The following ELF4 variants were observed in gnomAD, a reference collection of about 807,000 sequenced individuals.
The protein encoded by ELF4 is ETS-related transcription factor Elf-4.
In ELF4, 10 loss-of-function variants were observed where a neutral mutation model predicts 31.7. The ratio of observed to expected loss-of-function variants is 0.32; its 90% confidence interval spans 0.19 to 0.54. ELF4 has a LOEUF of 0.54. Among genes scored for constraint, ELF4 ranks in the 20% least tolerant of loss-of-function variants. The pLI, the probability that ELF4 is intolerant of heterozygous loss-of-function variation, is 0.95. For synonymous variants in ELF4, 208 were observed against 226.7 expected, an observed-to-expected ratio of 0.92 and a Z score of 0.74; for missense variants, 418 against 522.0, an observed-to-expected ratio of 0.80 and a Z score of 1.94.
At chrX:130,070,645 G>A (rs1466303942) in intron 7 of ELF4, among the ~76,000 whole-genome samples, 4 of 105,272 alleles carry the variant, frequency 3.8e-5, no homozygotes, top group African/African-American at 1.4e-4. Context: ...GGTGGCATGC[G>A]CCTGTAATCC....
At chrX:130,094,460 GGGAGGCTAAGGCA>G (rs1933115253) in intron 1 of ELF4, among the ~76,000 whole-genome samples, 1 of 108,469 alleles carries the variant, frequency 9.2e-6, no homozygotes, top group African/African-American at 3.4e-5. Context: ...CCAGCTACTC[GGGAGGCTAAGGCA>G]GGAGAATCGC....
At chrX:130,073,869 G>A (rs1476103714) in intron 4 of ELF4, among the ~76,000 whole-genome samples, 180 bp downstream of exon 4, 1 of 112,574 alleles carries the variant, frequency 8.9e-6, no homozygotes, top group Non-Finnish European at 1.9e-5. Flanking sequence ...TGAGGACATC[G>A]TGCTAATTGA....
At chrX:130,091,448 A>C (rs1933055977) in intron 1 of ELF4, among the ~76,000 whole-genome samples, 2 of 111,655 alleles carry the variant, frequency 1.8e-5, no homozygotes, top group African/African-American at 6.5e-5. Context: ...ATATTTTTTC[A>C]AATTTGTATT....
At chrX:130,094,940 G>A (rs1467546616) in intron 1 of ELF4, among the ~76,000 whole-genome samples, 1 of 111,532 alleles carries the variant, frequency 9.0e-6, no homozygotes, top group Non-Finnish European at 1.9e-5. Context: ...GAGCACTTGT[G>A]GGGTTGGCAG....
chrX:130,082,813 G>A (rs746644712), intron 1 of ELF4, among the ~76,000 whole-genome samples: 14 of 111,511 alleles, frequency 1.3e-4, no homozygotes, highest in African/African-American at 3.9e-4. Context: ...CCCTGGGCTC[G>A]GTTCTGAGTG....
intron 1 of ELF4, among the ~76,000 whole-genome samples, chrX:130,102,871 AGAGAGAGAGAGAG>A (rs1569410494): frequency 6.6e-5 from 5 of 75,611 alleles, no homozygotes; most frequent in African/African-American, 3.1e-4. Flanking sequence ...AGAGAGAGAG[AGAGAGAGAGAGAG>A]AGAAAGAAAG....
Position 130,105,854 on chromosome X carries a change from C to CTGTGTGTG in ELF4, c.-210+4463_-210+4470dup, listed in dbSNP as rs60216838. On this transcript the variant is annotated intron_variant, in intron 1 of 8. Coordinates refer to ENST00000308167, the MANE Select transcript of ELF4 (RefSeq NM_001421.4). ...GCCATCTCTCCCACTCCCCAGGGGC[C>CTGTGTGTG]TGTGTGTGTGTGTGTGTGTGTGTGT... Among the ~76,000 whole-genome samples, 47 of 86,492 alleles carry CTGTGTGTG rather than the reference C, an allele frequency of 5.4e-4. 1 individual carries two copies. In the East Asian group the frequency reaches 5.9e-3, roughly 11 times the overall value. 75.1% of individuals were successfully genotyped at this position (86,492 alleles called of 115,157 possible).
upstream of ELF4, among the ~76,000 whole-genome samples, chrX:130,111,196 G>T (rs1377405336): frequency 9.1e-6 from 1 of 110,492 alleles, no homozygotes; most frequent in African/African-American, 3.3e-5. Flanking sequence ...AGCCCGCGTC[G>T]TGCGCCGCGG....
At position 130,064,901 on chromosome X, in the gene ELF4, AG is replaced by A. The variant is rs1932625890; in HGVS notation, c.*1819del. On this transcript the variant is annotated 3_prime_UTR_variant, in exon 9 of 9. Coordinates refer to ENST00000308167, the MANE Select transcript of ELF4 (RefSeq NM_001421.4). Reference sequence around the variant, plus strand: ...TTTTTTTAATGGTGACCCTTTATCAAGATGCTTACTTTCAACCATCAGGAAA... The same window carrying A: ...TTTTTTTAATGGTGACCCTTTATCAAATGCTTACTTTCAACCATCAGGAAA... 6.7e-6 allele frequency: 1 copy of A among 150,372 alleles called. No individual in the cohort carries two copies. Among genetic ancestry groups the A allele is most frequent in the African/African-American group, 3.0e-5 (1 of 33,040 alleles). 12.4% of individuals were successfully genotyped at this position (150,372 alleles called of 1,213,427 possible).
intron 2 of ELF4, among the ~76,000 whole-genome samples, chrX:130,078,549 G>C (rs1233737507): frequency 9.1e-6 from 1 of 110,308 alleles, no homozygotes; most frequent in Non-Finnish European, 1.9e-5. Context: ...CTTGAGGTCA[G>C]GAGTTTGAGA....
Position 130,082,575 on chromosome X carries a change from G to A in ELF4, c.-209-1036C>T, listed in dbSNP as rs1932901178. Among the ~76,000 whole-genome samples the A allele has an allele frequency of 2.7e-5, 3 of 111,371 alleles. No individual in the cohort carries two copies. The Admixed American group carries it at 2.8e-4, about 11-fold the overall frequency. On this transcript the variant is annotated intron_variant, in intron 1 of 8. Coordinates refer to ENST00000308167, the MANE Select transcript of ELF4 (RefSeq NM_001421.4). Reference sequence around the variant, plus strand: ...AAACACACCTCCTCTCGCCCCACGTGCCCTCAGCGCTCACGGTGTCACATG... The same window carrying A: ...AAACACACCTCCTCTCGCCCCACGTACCCTCAGCGCTCACGGTGTCACATG...
intron 1 of ELF4, among the ~76,000 whole-genome samples, chrX:130,092,912 A>G (rs1310532056): frequency 9.0e-6 from 1 of 110,869 alleles, no homozygotes; most frequent in Non-Finnish European, 1.9e-5. Flanking sequence ...ACCAAAATCC[A>G]TGCACACTCA....
chrX:130,090,102 G>C (rs1426538280), intron 1 of ELF4, among the ~76,000 whole-genome samples: 2 of 110,588 alleles, frequency 1.8e-5, no homozygotes, highest in Non-Finnish European at 3.8e-5. Context: ...GGCCAGGCGT[G>C]GTGGCTCACG....
At chrX:130,096,659 G>A (rs1029090390) in intron 1 of ELF4, among the ~76,000 whole-genome samples, 4 of 111,070 alleles carry the variant, frequency 3.6e-5, no homozygotes, top group Non-Finnish European at 7.6e-5. Context: ...GAGGCCCAGA[G>A]AAGGGCAGCG....
chrX:130,070,371 A>G (rs377670570), intron 7 of ELF4, among the ~76,000 whole-genome samples: 1,171 of 110,580 alleles, frequency 0.011, 4 homozygotes, highest in African/African-American at 0.014. Flanking sequence ...AGCAGATTGA[A>G]ACCATCCTGG....
intron 1 of ELF4, among the ~76,000 whole-genome samples, chrX:130,106,326 G>A (rs1333306952): frequency 9.0e-6 from 1 of 110,861 alleles, no homozygotes; most frequent in Non-Finnish European, 1.9e-5. Context: ...TTGTTTCAGT[G>A]TCTTAGTCAT....
intron 1 of ELF4, among the ~76,000 whole-genome samples, chrX:130,098,368 C>T (rs962585956): frequency 2.7e-5 from 3 of 111,920 alleles, no homozygotes; most frequent in Non-Finnish European, 5.6e-5. Flanking sequence ...TACTTAGCCA[C>T]CCAGAGATGA....
chrX:130,087,133 C>T (rs759155525), intron 1 of ELF4, among the ~76,000 whole-genome samples: 188 of 112,962 alleles, frequency 1.7e-3, no homozygotes, highest in African/African-American at 5.7e-3. Context: ...GAAGTGCCTG[C>T]GGCCACCACA....
At chrX:130,100,451 A>C (rs1054911578) in intron 1 of ELF4, among the ~76,000 whole-genome samples, 2 of 61,094 alleles carry the variant, frequency 3.3e-5, no homozygotes, top group African/African-American at 1.3e-4. Flanking sequence ...TGATTTCCCA[A>C]CTTAAGCCTG....
Sources: gnomAD v4.1 joint callset for allele counts (sites outside exome capture counted in the v4.1 genomes callset) on GRCh38, gnomAD v4.1.1 for gene constraint, MANE v1.5 for transcripts, NCBI Gene and HGNC (gene_info 2026-07-23, HGNC 2026-07-21) for gene names.